ZSCAN32: variants seen among roughly 807,000 people sequenced by gnomAD.
ZSCAN32 encodes zinc finger and SCAN domain containing 32, also known as zinc finger and SCAN domain-containing protein 32.
Under a neutral mutation model 47.4 loss-of-function variants are expected in ZSCAN32, and 52 were observed. The observed-to-expected ratio is 1.10, with a 90% CI of 0.88 to 1.38. The LOEUF is 1.38. Among genes scored for constraint, ZSCAN32 ranks in the 40% most tolerant of loss-of-function variants. The pLI is 0.00. For missense variants in ZSCAN32, 959 were observed against 846.0 expected, an observed-to-expected ratio of 1.13 and a Z score of -1.66; for synonymous variants, 346 against 305.7, an observed-to-expected ratio of 1.13 and a Z score of -1.38.
At chr16:3,383,823 G>A in intron 6 of ZSCAN32, 112 bp from the exon 7 acceptor site, 1 of 1,143,112 alleles carries the variant, frequency 8.7e-7, no homozygotes, top group Non-Finnish European at 1.2e-6. Context: ...AATTCTTCAT[G>A]TGATTAAGTC....
At chr16:3,383,902 T>C in intron 6 of ZSCAN32, 191 bp from the exon 7 acceptor site, 1 of 702,014 alleles carries the variant, frequency 1.4e-6, no homozygotes, top group East Asian at 3.0e-5. Context: ...TACAGGAAAA[T>C]TATGCCCTAA....
chr16:3,385,180 G>A (rs2031809344), intron 5 of ZSCAN32, among the ~76,000 whole-genome samples: 1 of 152,086 alleles, frequency 6.6e-6, no homozygotes, highest in African/African-American at 2.4e-5. Context: ...ACAAAAAATA[G>A]CTGGGTGTGG....
chr16:3,389,795 C>G (rs562324465), intron 5 of ZSCAN32, among the ~76,000 whole-genome samples: 1 of 152,212 alleles, frequency 6.6e-6, no homozygotes, highest in Non-Finnish European at 1.5e-5. Flanking sequence ...CACCCTTCAC[C>G]TCCCATGTTC....
Position 3,383,202 on chromosome 16 carries a change from A to G in ZSCAN32, c.1744T>C (p.Cys582Arg), listed in dbSNP as rs777919278. The change falls in exon 7 of 7, where the codon TGT becomes CGT. Residue 582 changes from cysteine (C) to arginine (R), a missense_variant. Cys to Arg is a radical substitution (Grantham distance 180). Coordinates refer to ENST00000396852, the MANE Select transcript of ZSCAN32 (RefSeq NM_001284527.2). ...GAACTCTGGTTGAAGCTTTTCCCAC[A>G]TTGCCCACACTGATAGGGCCTCTCC... ...TGERPYQCGQ[C>R]GKSFNQSSSL... is the part of the protein sequence containing the mutation. The G allele has an allele frequency of 6.2e-7, 1 of 1,614,018 alleles. No individual in the cohort carries two copies. The highest frequency in any genetic ancestry group is 8.5e-7 in the Non-Finnish European group (1 of 1,179,996).
At position 3,390,123 on chromosome 16, in the gene ZSCAN32, A is replaced by G. The variant is rs1354571629; in HGVS notation, c.638T>C (p.Met213Thr). The change falls in exon 5 of 7, where the codon ATG (methionine) becomes ACG (threonine). Residue 213 changes from methionine to threonine, a missense_variant. Met to Thr is a moderately conservative substitution (Grantham distance 81, BLOSUM62 -1). Transcript: ENST00000396852. ...VWTAGSQGPA[M>T]RDNRAVSLCQ... ...GAGGGATACAGCTCTGTTGTCACGC[A>G]TGGCTGGTCCCTGTAACAACACTGG... 1 of 1,611,132 alleles carries G rather than the reference A, an allele frequency of 6.2e-7. No homozygotes were observed. Among genetic ancestry groups the G allele is most frequent in the Non-Finnish European group, 8.5e-7 (1 of 1,178,640 alleles).
chr16:3,383,776 G>C (rs2031574307), intron 6 of ZSCAN32, 65 bp from the exon 7 acceptor site: 2 of 1,476,524 alleles, frequency 1.4e-6, no homozygotes, highest in Non-Finnish European at 1.8e-6. Flanking sequence ...GGAATGCAAA[G>C]TTATAACTAT....
chr16:3,397,834 C>CAG, intron 1 of ZSCAN32, 90 bp from the exon 2 acceptor site: 1 of 279,528 alleles, frequency 3.6e-6, no homozygotes, highest in Non-Finnish European at 6.7e-6. Flanking sequence ...TTCCTTTACT[C>CAG]CCTCCACAAA....
rs114352030 is a variant in ZSCAN32 at position 3,396,545 on chromosome 16, C to G, written c.366+647G>C. Among the ~76,000 whole-genome samples, 1,483 of 152,262 alleles carry G rather than the reference C, an allele frequency of 9.7e-3. 19 individuals carry two copies. The highest frequency in any genetic ancestry group is 0.033 in the African/African-American group (1,385 of 41,532). ...ACCTGTGCCCTCCATTACTCTAGGC[C>G]TCTCCCAGACTTACCCAATTTCAGT... On this transcript the variant is annotated intron_variant, in intron 2 of 6. Transcript: ENST00000396852.
intron 1 of ZSCAN32, among the ~76,000 whole-genome samples, chr16:3,399,839 C>T (rs1009767778): frequency 3.3e-5 from 5 of 152,216 alleles, no homozygotes; most frequent in Admixed American, 3.3e-4. Flanking sequence ...CTCCTGTGCT[C>T]AAGTGATCCT....
rs553651109 is a variant in ZSCAN32 at position 3,397,345 on chromosome 16, G to A, written c.213C>T (p.His71=). 6.4e-7 allele frequency: 1 copy of A among 1,560,722 alleles called. No homozygotes were observed. The highest frequency in any genetic ancestry group is 1.2e-5 in the South Asian group (1 of 84,820). ...LCCQWLRPKT[H]SKEEILELLV... The stretch of plus-strand genomic sequence containing the variant: ...GCAGCTCCAGGATTTCCTCTTTTGA[G>A]TGGGTCTTCGGCCTCAGCCACTGAC... The change falls in exon 2 of 7, where the codon CAC becomes CAT. Residue 71 remains histidine, a synonymous_variant. Transcript: ENST00000396852.
At chr16:3,387,330 C>T (rs568283772) in intron 5 of ZSCAN32, among the ~76,000 whole-genome samples, 17 of 152,318 alleles carry the variant, frequency 1.1e-4, no homozygotes, top group South Asian at 4.1e-4. Flanking sequence ...TGTTCCCTCC[C>T]TGATACAGGA....
chr16:3,386,298 C>T (rs985349987), intron 5 of ZSCAN32, among the ~76,000 whole-genome samples: 4 of 152,140 alleles, frequency 2.6e-5, no homozygotes, highest in African/African-American at 9.7e-5. Flanking sequence ...ACAACAGGTG[C>T]TGGAGAGGAT....
chr16:3,390,078 C>A lies in ZSCAN32; in HGVS notation c.683G>T (p.Cys228Phe). 6.2e-7 allele frequency: 1 copy of A among 1,614,016 alleles called. No individual in the cohort carries two copies. Among genetic ancestry groups the A allele is most frequent in the Non-Finnish European group, 8.5e-7 (1 of 1,179,976 alleles). ...AVSLCQQEWM[C>F]PGPAQRALYR... ...GAGGGCCCTTTGTGCAGGGCCTGGG[C>A]ACATCCATTCTTGCTGACAGAGGGA... The change falls in exon 5 of 7, where the codon TGC (cysteine) becomes TTC (phenylalanine). Residue 228 changes from cysteine to phenylalanine, a missense_variant. Coordinates refer to ENST00000396852, the MANE Select transcript of ZSCAN32 (RefSeq NM_001284527.2).
chr16:3,390,531 C>T lies in ZSCAN32; in HGVS notation c.533-14G>A. The T allele has an allele frequency of 1.3e-6, 2 of 1,547,092 alleles. No individual in the cohort carries two copies. Among genetic ancestry groups the T allele is most frequent in the South Asian group, 1.2e-5 (1 of 83,928 alleles). ...GAGCAAGCCAGGCTGGGGGAAAAAACAGCCGCTATTAGAGGGCGGCTTCCA... is the reference window on the plus strand; with the variant it reads ...GAGCAAGCCAGGCTGGGGGAAAAAATAGCCGCTATTAGAGGGCGGCTTCCA... On this transcript the variant is annotated splice_polypyrimidine_tract_variant and intron_variant, in intron 3 of 6. Coordinates refer to ENST00000396852, the MANE Select transcript of ZSCAN32 (RefSeq NM_001284527.2).
At chr16:3,389,560 G>A (rs1255989576) in intron 5 of ZSCAN32, among the ~76,000 whole-genome samples, 2 of 152,186 alleles carry the variant, frequency 1.3e-5, no homozygotes, top group African/African-American at 4.8e-5. Context: ...AAAGGGCCTG[G>A]TTCCTCCCGG....
chr16:3,397,118 A>G (rs2033441742), intron 2 of ZSCAN32, 74 bp downstream of exon 2: 1 of 1,460,330 alleles, frequency 6.8e-7, no homozygotes, highest in Admixed American at 2.7e-5. Flanking sequence ...TTCTCAACCA[A>G]GCACCTCTCC....
rs936706753 is a variant in ZSCAN32 at position 3,400,970 on chromosome 16, A to C, written c.-213T>G. ...CGGACACCAGCACTCGCGACTCCAC[A>C]AACTCCCTCAGCCTCCGGGCCGGAA... is the stretch of plus-strand genomic sequence containing the variant. On this transcript the variant is annotated 5_prime_UTR_variant, in exon 1 of 7. Coordinates refer to ENST00000396852, the MANE Select transcript of ZSCAN32 (RefSeq NM_001284527.2). 3 of 152,592 alleles carry C rather than the reference A, an allele frequency of 2.0e-5. No homozygotes were observed. The highest frequency in any genetic ancestry group is 4.4e-5 in the Non-Finnish European group (3 of 68,216). 9.5% of individuals were successfully genotyped at this position (152,592 alleles called of 1,614,324 possible).
chr16:3,384,896 G>A lies in ZSCAN32; in HGVS notation c.797C>T (p.Ala266Val), dbSNP rs17136369. Residue 266 changes from alanine to valine, a missense_variant, in exon 6 of 7, where the codon GCT becomes GTT. Coordinates refer to ENST00000396852, the MANE Select transcript of ZSCAN32 (RefSeq NM_001284527.2). ...WGYEETKTLL[A>V]ILSSSQFYGK... is the part of the protein sequence containing the mutation. ...ATAAAATTGAGAACTACTAAGAATA[G>A]CCAGGAGCGTCTTGGTCTCTTCATA... 940 of 1,614,076 alleles carry A rather than the reference G, an allele frequency of 5.8e-4. 1 individual carries two copies. In the African/African-American group the frequency reaches 0.011, roughly 20 times the overall value.
chr16:3,400,036 G>C (rs1443775800), intron 1 of ZSCAN32, among the ~76,000 whole-genome samples: 2 of 152,180 alleles, frequency 1.3e-5, no homozygotes, highest in Non-Finnish European at 2.9e-5. Context: ...GATCCAGCAT[G>C]CACAACAAGA....
Sources: allele counts gnomAD v4.1 joint callset (sites outside exome capture counted in the v4.1 genomes callset), GRCh38; gene constraint gnomAD v4.1.1; transcripts MANE v1.5; gene names NCBI Gene and HGNC (gene_info 2026-07-23, HGNC 2026-07-21).